Variants in NREP observed in about 807,000 individuals in gnomAD.
NREP encodes the protein neuronal regeneration related protein.
NREP carries 5 observed loss-of-function variants against 8.6 expected under a neutral mutation model. The observed-to-expected ratio is 0.58, with a 90% confidence interval of 0.30 to 1.22. NREP has a LOEUF of 1.22. Ranked by LOEUF, NREP falls within the 50% of genes most tolerant of loss-of-function variation. NREP has a pLI of 0.07. For missense variants in NREP, 86 were observed against 82.5 expected, an observed-to-expected ratio of 1.04 and a Z score of -0.17; for synonymous variants, 27 against 28.0, an observed-to-expected ratio of 0.96 and a Z score of 0.11.
chr5:111,914,909 A>G (rs1468723492), intron 2 of NREP, among the ~76,000 whole-genome samples: 1 of 152,082 alleles, frequency 6.6e-6, no homozygotes, highest in Non-Finnish European at 1.5e-5. Context: ...AGATTTTTCC[A>G]TTTTTATCAA....
intron 2 of NREP, among the ~76,000 whole-genome samples, chr5:111,844,318 G>A (rs1425568250): frequency 1.3e-5 from 2 of 151,646 alleles, no homozygotes; most frequent in Admixed American, 1.3e-4. Flanking sequence ...CAGCAGTTTG[G>A]ACCACCTGAC....
At chr5:111,870,990 G>T (rs1164106569) in intron 2 of NREP, among the ~76,000 whole-genome samples, 1 of 151,714 alleles carries the variant, frequency 6.6e-6, no homozygotes, top group Non-Finnish European at 1.5e-5. Flanking sequence ...AAGGTCTATA[G>T]CCTGAACCCT....
At chr5:111,934,378 A>G (rs189731380) in intron 2 of NREP, among the ~76,000 whole-genome samples, 10 of 152,236 alleles carry the variant, frequency 6.6e-5, no homozygotes. Flanking sequence ...AAGGGAAGGT[A>G]AAGGTTATAA....
intron 2 of NREP, among the ~76,000 whole-genome samples, chr5:111,893,007 C>T (rs995830371): frequency 2.0e-5 from 3 of 152,162 alleles, no homozygotes; most frequent in Non-Finnish European, 2.9e-5. Context: ...ATTGATTCAC[C>T]ATGTTTGCCA....
At chr5:111,940,795 C>T (rs1755807838) in intron 2 of NREP, among the ~76,000 whole-genome samples, 1 of 152,018 alleles carries the variant, frequency 6.6e-6, no homozygotes, top group African/African-American at 2.4e-5. Context: ...CCTGAGACCA[C>T]ACTCATGCCC....
At chr5:111,949,111 T>C (rs1756079478) in intron 2 of NREP, 1 of 152,046 alleles carries the variant, frequency 6.6e-6, no homozygotes, top group African/African-American at 2.4e-5. Flanking sequence ...AACCAGCAAT[T>C]TCCCATAGCA....
chr5:111,788,670 T>A (rs184902476), intron 2 of NREP, among the ~76,000 whole-genome samples: 27 of 152,310 alleles, frequency 1.8e-4, no homozygotes, highest in African/African-American at 6.3e-4. Flanking sequence ...ATAGGTAATA[T>A]CTGGGCTACA....
chr5:111,734,493 G>A (rs1748917939), intron 3 of NREP: 1 of 389,900 alleles, frequency 2.6e-6, no homozygotes, highest in East Asian at 4.0e-5. Flanking sequence ...CTTCAAAAAT[G>A]CTCTGCAAGA....
intron 2 of NREP, among the ~76,000 whole-genome samples, chr5:111,833,023 A>G (rs7703429): frequency 0.066 from 10,097 of 152,266 alleles, 948 homozygotes; most frequent in African/African-American, 0.21. Flanking sequence ...AATGATTACA[A>G]ATAAGAATTA....
chr5:111,879,615 G>A (rs1029004314), intron 2 of NREP, among the ~76,000 whole-genome samples: 1 of 152,130 alleles, frequency 6.6e-6, no homozygotes, highest in Non-Finnish European at 1.5e-5. Flanking sequence ...GATGCTAAAT[G>A]AATCTTTGTT....
intron 2 of NREP, among the ~76,000 whole-genome samples, chr5:111,746,166 G>C (rs560545811): frequency 1.3e-5 from 2 of 152,126 alleles, no homozygotes; most frequent in South Asian, 2.1e-4. Flanking sequence ...ATTTCTGATT[G>C]AATTGATTGA....
intron 2 of NREP, among the ~76,000 whole-genome samples, chr5:111,808,153 A>T (rs1165161193): frequency 6.6e-6 from 1 of 152,232 alleles, no homozygotes; most frequent in African/African-American, 2.4e-5. Context: ...CTTATCTATA[A>T]GAATGCACAA....
chr5:111,858,714 A>G (rs900827482), intron 2 of NREP, among the ~76,000 whole-genome samples: 3 of 152,150 alleles, frequency 2.0e-5, no homozygotes, highest in African/African-American at 7.2e-5. Context: ...ACTTTAATAT[A>G]CAAGGAAAAT....
intron 2 of NREP, among the ~76,000 whole-genome samples, chr5:111,919,991 C>T (rs1213073296): frequency 7.4e-6 from 1 of 134,924 alleles, no homozygotes; most frequent in Non-Finnish European, 1.6e-5. Context: ...CCCCCACACA[C>T]ACAAAGAAGT....
chr5:111,907,301 G>A (rs944916783), intron 2 of NREP, among the ~76,000 whole-genome samples: 5 of 151,858 alleles, frequency 3.3e-5, no homozygotes, highest in Non-Finnish European at 7.4e-5. Context: ...TTATACTCTG[G>A]TACTTTTATA....
At chr5:111,738,060 C>G (rs1354424023) in intron 2 of NREP, among the ~76,000 whole-genome samples, 2 of 152,154 alleles carry the variant, frequency 1.3e-5, no homozygotes, top group Non-Finnish European at 2.9e-5. Context: ...ACCTGCTTGG[C>G]TGGTATCTAA....
intron 2 of NREP, among the ~76,000 whole-genome samples, chr5:111,825,816 C>G (rs566769768): frequency 6.6e-6 from 1 of 152,276 alleles, no homozygotes; most frequent in Admixed American, 6.5e-5. Flanking sequence ...GAGGTCTATT[C>G]TCTATCCGAG....
At chr5:111,746,011 G>A (rs3797730) in intron 2 of NREP, among the ~76,000 whole-genome samples, 12,536 of 152,132 alleles carry the variant, frequency 0.082, 600 homozygotes, top group East Asian at 0.2. Context: ...TCATATTGCA[G>A]GTAGAGTACT....
At chr5:111,917,159 G>T (rs151226896) in intron 2 of NREP, among the ~76,000 whole-genome samples, 1 of 152,176 alleles carries the variant, frequency 6.6e-6, no homozygotes, top group East Asian at 1.9e-4. Flanking sequence ...CATGCACAGT[G>T]TGTTTAAGAA....
Sources: allele counts gnomAD v4.1 joint callset (sites outside exome capture counted in the v4.1 genomes callset), GRCh38; gene constraint gnomAD v4.1.1; transcripts MANE v1.5; gene names NCBI Gene and HGNC (gene_info 2026-07-23, HGNC 2026-07-21).